Variants in GLIS3 observed in about 807,000 individuals in gnomAD.
GLIS3 encodes the protein zinc finger protein GLIS3.
GLIS3 carries 53 observed loss-of-function variants against 78.6 expected under a neutral mutation model. The observed-to-expected ratio is 0.67, with a 90% CI of 0.54 to 0.85. GLIS3 has a LOEUF of 0.85. Ranked by LOEUF, GLIS3 falls within the 40% of genes least tolerant of loss-of-function variation. The pLI, the probability that GLIS3 is intolerant of heterozygous loss-of-function variation, is 0.00. For synonymous variants in GLIS3, 684 were observed against 509.9 expected (o/e 1.34, Z -4.60); for missense variants, 1,703 against 1,231.1 (o/e 1.38, Z -5.74).
chr9:4,175,324 T>C (rs10814856), intron 2 of GLIS3, among the ~76,000 whole-genome samples: 43,941 of 152,072 alleles, frequency 0.29, 6,605 homozygotes, highest in South Asian at 0.43. Flanking sequence ...GAAGGGAGAC[T>C]GAGAGCTTTA....
At chr9:3,961,434 T>C (rs1817545563) in intron 4 of GLIS3, among the ~76,000 whole-genome samples, 1 of 152,216 alleles carries the variant, frequency 6.6e-6, no homozygotes, top group Non-Finnish European at 1.5e-5. Context: ...GTTCTCTCCA[T>C]GCAACCATCT....
chr9:3,835,106 T>C (rs935884266), intron 9 of GLIS3, among the ~76,000 whole-genome samples: 4 of 152,330 alleles, frequency 2.6e-5, no homozygotes, highest in African/African-American at 9.6e-5. Context: ...AGTCATGATC[T>C]GTGTACTTAG....
intron 2 of GLIS3, among the ~76,000 whole-genome samples, chr9:4,256,145 A>G (rs1211344404): frequency 6.6e-6 from 1 of 152,216 alleles, no homozygotes; most frequent in Non-Finnish European, 1.5e-5. Context: ...ACACTGGAAC[A>G]GATGAGCGAC....
At chr9:4,371,621 G>C in the GLIS3 span, among the ~76,000 whole-genome samples, 4 of 151,992 alleles carry the variant, frequency 2.6e-5, no homozygotes, top group South Asian at 8.3e-4. Context: ...GGATCCACTA[G>C]GTATAGGACT....
chr9:4,411,942 A>G, the GLIS3 span, among the ~76,000 whole-genome samples: 2 of 152,250 alleles, frequency 1.3e-5, no homozygotes, highest in Non-Finnish European at 2.9e-5. Flanking sequence ...GTTTAGATAA[A>G]ATAATCTGGC....
At chr9:4,230,821 C>T (rs1822191377) in intron 2 of GLIS3, among the ~76,000 whole-genome samples, 1 of 152,186 alleles carries the variant, frequency 6.6e-6, no homozygotes, top group African/African-American at 2.4e-5. Flanking sequence ...ATAAAAGAAT[C>T]TAATTCTAAG....
intron 4 of GLIS3, among the ~76,000 whole-genome samples, chr9:3,960,634 C>T (rs1420831113): frequency 2.0e-5 from 3 of 151,986 alleles, no homozygotes; most frequent in Admixed American, 6.6e-5. Context: ...TTTGGTGGAC[C>T]GATAATTGGT....
intron 2 of GLIS3, among the ~76,000 whole-genome samples, chr9:4,219,392 C>T (rs1221833432): frequency 6.6e-6 from 1 of 152,224 alleles, no homozygotes; most frequent in Non-Finnish European, 1.5e-5. Context: ...ACTCACAGCC[C>T]CCAGGCCCAT....
intron 2 of GLIS3, among the ~76,000 whole-genome samples, chr9:4,274,957 C>T (rs1826850739): frequency 6.6e-6 from 1 of 152,154 alleles, no homozygotes; most frequent in Middle Eastern, 3.2e-3. Flanking sequence ...ATGTCAGATC[C>T]AATTACAAAC....
At chr9:4,097,035 C>T (rs557510124) in intron 4 of GLIS3, among the ~76,000 whole-genome samples, 67 of 152,042 alleles carry the variant, frequency 4.4e-4, no homozygotes, top group African/African-American at 1.5e-3. Flanking sequence ...AACAAACAAA[C>T]AAAGGTGGAA....
chr9:4,313,387 C>T (rs1374991040), intron 2 of GLIS3, among the ~76,000 whole-genome samples: 1 of 152,146 alleles, frequency 6.6e-6, no homozygotes, highest in East Asian at 1.9e-4. Flanking sequence ...TCTCACCTTC[C>T]CTGCTTTCTG....
chr9:4,334,015 T>C (rs1247274497), intron 2 of GLIS3, among the ~76,000 whole-genome samples: 1 of 152,106 alleles, frequency 6.6e-6, no homozygotes, highest in Non-Finnish European at 1.5e-5. Flanking sequence ...CTTAAGTGCT[T>C]AGAAACAAAA....
At chr9:4,347,390 T>C (rs1367628819) in intron 1 of GLIS3, among the ~76,000 whole-genome samples, 1 of 152,038 alleles carries the variant, frequency 6.6e-6, no homozygotes, top group Non-Finnish European at 1.5e-5. Context: ...CATTTCAACA[T>C]GAAGTTTAGG....
chr9:4,143,267 G>A (rs1022676835), intron 2 of GLIS3, among the ~76,000 whole-genome samples: 4 of 152,102 alleles, frequency 2.6e-5, no homozygotes, highest in African/African-American at 7.2e-5. Flanking sequence ...GTAGTGAGAA[G>A]TTAAGATCTA....
At chr9:4,049,829 C>T (rs1356100322) in intron 4 of GLIS3, among the ~76,000 whole-genome samples, 1 of 152,060 alleles carries the variant, frequency 6.6e-6, no homozygotes, top group Non-Finnish European at 1.5e-5. Context: ...TTTATGCAGC[C>T]AACAGACACA....
At chr9:4,303,285 A>ACG (rs1817140850), upstream of GLIS3, among the ~76,000 whole-genome samples, 1 of 146,642 alleles carries the variant, frequency 6.8e-6, no homozygotes, top group African/African-American at 2.7e-5. Flanking sequence ...ACACACACAC[A>ACG]CACACGAGCT....
chr9:4,256,011 T>A (rs965010696), intron 2 of GLIS3, among the ~76,000 whole-genome samples: 1 of 152,140 alleles, frequency 6.6e-6, no homozygotes, highest in Non-Finnish European at 1.5e-5. Context: ...GCTGTGAACC[T>A]AAAACTGTTC....
intron 4 of GLIS3, among the ~76,000 whole-genome samples, chr9:3,998,695 T>C (rs1272232947): frequency 6.6e-6 from 1 of 151,090 alleles, no homozygotes; most frequent in Non-Finnish European, 1.5e-5. Flanking sequence ...TTCTTTTCTT[T>C]CTGTTTCCAT....
intron 2 of GLIS3, among the ~76,000 whole-genome samples, chr9:4,221,202 T>C (rs190055701): frequency 6.6e-5 from 10 of 152,310 alleles, no homozygotes; most frequent in Admixed American, 4.6e-4. Context: ...CTTGTCATTT[T>C]TGAAGAGTAG....
Sources: gnomAD v4.1 joint callset for allele counts (sites outside exome capture counted in the v4.1 genomes callset) on GRCh38, gnomAD v4.1.1 for gene constraint, MANE v1.5 for transcripts, NCBI Gene and HGNC (gene_info 2026-07-23, HGNC 2026-07-21) for gene names.